Variants in SYT14 observed in about 807,000 individuals in gnomAD.
SYT14 encodes synaptotagmin 14.
A neutral mutation model predicts 74.2 loss-of-function variants in SYT14; 32 were observed. The observed-to-expected ratio is 0.43, with a 90% CI of 0.33 to 0.58. SYT14 has a LOEUF of 0.58. Among genes scored for constraint, SYT14 ranks in the 20% least tolerant of loss-of-function variants. The pLI is 0.05. For missense variants in SYT14, 791 were observed against 981.8 expected (o/e 0.81, Z 2.60); for synonymous variants, 298 against 337.7 (o/e 0.88, Z 1.29).
At chr1:210,144,315 T>G (rs2082984078) in intron 7 of SYT14, among the ~76,000 whole-genome samples, 1 of 152,162 alleles carries the variant, frequency 6.6e-6, no homozygotes, top group Non-Finnish European at 1.5e-5. Flanking sequence ...TACATTAAAT[T>G]TATTTGCAAT....
intron 1 of SYT14, among the ~76,000 whole-genome samples, chr1:209,952,504 C>T (rs779535141): frequency 7.2e-5 from 11 of 151,944 alleles, no homozygotes; most frequent in African/African-American, 1.2e-4. Flanking sequence ...GTCTTCATTC[C>T]GAGACTTCCT....
chr1:210,144,141 G>A (rs570164734), intron 7 of SYT14, among the ~76,000 whole-genome samples: 12 of 152,240 alleles, frequency 7.9e-5, no homozygotes, highest in Admixed American at 4.6e-4. Flanking sequence ...GAAATCCAGT[G>A]CAATGTATTT....
At chr1:209,974,917 A>C in intron 2 of SYT14, among the ~76,000 whole-genome samples, 1 of 152,072 alleles carries the variant, frequency 6.6e-6, no homozygotes, top group Non-Finnish European at 1.5e-5. Flanking sequence ...CTCCTTGAAG[A>C]GGTCCTTCAT....
chr1:210,071,019 T>C (rs1012279601), intron 5 of SYT14, among the ~76,000 whole-genome samples: 7 of 150,924 alleles, frequency 4.6e-5, no homozygotes, highest in Non-Finnish European at 8.9e-5. Context: ...TTCAGACATG[T>C]ATTGTAATAT....
intron 2 of SYT14, among the ~76,000 whole-genome samples, chr1:210,006,848 T>TGTTGGTTTAGTAGATAAATATCC (rs1182454078): frequency 6.6e-6 from 1 of 151,856 alleles, no homozygotes; most frequent in Non-Finnish European, 1.5e-5. Context: ...ATAGAAAATG[T>TGTTGGTTTAGTAGATAAATATCC]GTTGGTTTAG....
intron 5 of SYT14, among the ~76,000 whole-genome samples, chr1:210,054,952 G>C (rs2081068901): frequency 6.6e-6 from 1 of 152,112 alleles, no homozygotes; most frequent in Non-Finnish European, 1.5e-5. Flanking sequence ...TATTATAGAG[G>C]ACACAGTTTG....
intron 5 of SYT14, among the ~76,000 whole-genome samples, chr1:210,032,139 T>C (rs2080550805): frequency 6.6e-6 from 1 of 152,032 alleles, no homozygotes; most frequent in African/African-American, 2.4e-5. Flanking sequence ...AAGGATATCA[T>C]TGGAATCAAC....
At chr1:210,110,338 A>T (rs888213188) in intron 7 of SYT14, among the ~76,000 whole-genome samples, 1 of 152,214 alleles carries the variant, frequency 6.6e-6, no homozygotes, top group Non-Finnish European at 1.5e-5. Flanking sequence ...ATGTTCAAGG[A>T]ATGAAGATGA....
At chr1:209,952,409 C>T (rs933713040) in intron 1 of SYT14, among the ~76,000 whole-genome samples, 37 of 152,122 alleles carry the variant, frequency 2.4e-4, no homozygotes, top group African/African-American at 6.7e-4. Flanking sequence ...TCCTTCTAGA[C>T]GATGTGAAGA....
chr1:210,017,463 A>G (rs955113159), intron 4 of SYT14, among the ~76,000 whole-genome samples: 1 of 152,172 alleles, frequency 6.6e-6, no homozygotes, highest in Non-Finnish European at 1.5e-5. Flanking sequence ...AAATTTTTAT[A>G]TAACTAACTC....
At chr1:209,938,321 AGCTGGCGGGGGGCTCGGAGGTGCGCCG>A in intron 1 of SYT14, 44 bp downstream of exon 1, 1 of 1,534,466 alleles carries the variant, frequency 6.5e-7, no homozygotes, top group Non-Finnish European at 8.8e-7. Flanking sequence ...GGGACCACCC[AGCTGGCGGGGGGCTCGGAGGTGCGCCG>A]GCAGGCCGAG....
intron 7 of SYT14, among the ~76,000 whole-genome samples, chr1:210,150,289 C>T (rs2102697300): frequency 6.6e-6 from 1 of 152,314 alleles, no homozygotes; most frequent in South Asian, 2.1e-4. Flanking sequence ...CTGAAGCTGC[C>T]TGTGTACAAA....
intron 2 of SYT14, among the ~76,000 whole-genome samples, chr1:209,989,887 ATATATT>A (rs1189979887): frequency 1.3e-5 from 2 of 152,048 alleles, no homozygotes; most frequent in Admixed American, 1.3e-4. Context: ...AAACTCTAAG[ATATATT>A]TATATTTTCA....
chr1:210,100,982 T>C (rs1164471093), intron 7 of SYT14, among the ~76,000 whole-genome samples: 2 of 152,192 alleles, frequency 1.3e-5, no homozygotes, highest in East Asian at 1.9e-4. Context: ...CATTAGACTT[T>C]CCACCCTTTT....
rs142973329 is a variant in SYT14, at chr1:210,111,015, A to G, written c.2034+10554A>G. On this transcript the variant is annotated intron_variant, in intron 7 of 9. Transcript: ENST00000637265. Reference sequence around the variant, plus strand: ...TGCCTTGGTCTCCCAGAGTGCTGGGATTACAGGTGTGAGCCACCACATTAA... The same window carrying G: ...TGCCTTGGTCTCCCAGAGTGCTGGGGTTACAGGTGTGAGCCACCACATTAA... Among the ~76,000 whole-genome samples the G allele has an allele frequency of 3.6e-3, 555 of 152,322 alleles. 6 individuals are homozygous for G. Among genetic ancestry groups the G allele is most frequent in the African/African-American group, 0.012 (506 of 41,566 alleles).
chr1:210,040,733 A>T (rs2080771676), intron 5 of SYT14, among the ~76,000 whole-genome samples: 1 of 152,196 alleles, frequency 6.6e-6, no homozygotes, highest in Non-Finnish European at 1.5e-5. Flanking sequence ...AAAGTCATTT[A>T]GTCAGGAATC....
At chr1:210,034,392 C>T (rs193094252) in intron 5 of SYT14, among the ~76,000 whole-genome samples, 89 of 151,628 alleles carry the variant, frequency 5.9e-4, no homozygotes, top group African/African-American at 1.9e-3. Flanking sequence ...GTAAGTAGTA[C>T]ATGTTCATTA....
intron 9 of SYT14, among the ~76,000 whole-genome samples, chr1:210,160,061 C>G (rs551990542): frequency 6.6e-6 from 1 of 152,158 alleles, no homozygotes; most frequent in African/African-American, 2.4e-5. Flanking sequence ...ATTAAATGTA[C>G]TCTTGCATGA....
At chr1:209,971,270 C>T (rs1430332838) in intron 2 of SYT14, among the ~76,000 whole-genome samples, 1 of 152,052 alleles carries the variant, frequency 6.6e-6, no homozygotes, top group Admixed American at 6.6e-5. Flanking sequence ...TTATCAGTTC[C>T]GGGAGTGTTT....
Sources: gnomAD v4.1 joint callset for allele counts (sites outside exome capture counted in the v4.1 genomes callset) on GRCh38, gnomAD v4.1.1 for gene constraint, MANE v1.5 for transcripts, NCBI Gene and HGNC (gene_info 2026-07-23, HGNC 2026-07-21) for gene names.